The following UBL3 variants were observed in gnomAD, a reference collection of about 807,000 sequenced individuals.
The protein encoded by UBL3 is ubiquitin-like protein 3.
A neutral mutation model predicts 18.4 loss-of-function variants in UBL3; 6 were observed. That is an observed-to-expected ratio of 0.33 (90% CI 0.18 to 0.64). UBL3 has a LOEUF of 0.64. Ranked by LOEUF, UBL3 falls within the 30% of genes least tolerant of loss-of-function variation. The probability of loss-of-function intolerance (pLI) is 0.76; values close to 1 mark genes in which losing one functional copy is unlikely to be tolerated. For synonymous variants in UBL3, 49 were observed against 46.6 expected (o/e 1.05, Z -0.21); for missense variants, 109 against 142.9 (o/e 0.76, Z 1.21).
chr13:29,803,432 C>A (rs1278435914), intron 1 of UBL3, among the ~76,000 whole-genome samples: 1 of 152,096 alleles, frequency 6.6e-6, no homozygotes, highest in African/African-American at 2.4e-5. Context: ...CCACACATAT[C>A]AATATTAACC....
chr13:29,826,958 G>A (rs550784764), intron 1 of UBL3, among the ~76,000 whole-genome samples: 56 of 152,224 alleles, frequency 3.7e-4, no homozygotes, highest in Non-Finnish European at 6.6e-4. Flanking sequence ...TAGTCATTCC[G>A]GAGCTTGCTG....
At chr13:29,826,823 G>A (rs1878632921) in intron 1 of UBL3, among the ~76,000 whole-genome samples, 1 of 152,164 alleles carries the variant, frequency 6.6e-6, no homozygotes, top group Non-Finnish European at 1.5e-5. Flanking sequence ...TGGGCATTTA[G>A]TGCTATATAT....
intron 1 of UBL3, among the ~76,000 whole-genome samples, chr13:29,803,798 A>G (rs928984080): frequency 1.3e-5 from 2 of 152,088 alleles, no homozygotes; most frequent in African/African-American, 4.8e-5. Flanking sequence ...ACAAGTTCTT[A>G]AAGACCTACA....
At chr13:29,837,311 A>G (rs995909468) in intron 1 of UBL3, among the ~76,000 whole-genome samples, 1 of 152,246 alleles carries the variant, frequency 6.6e-6, no homozygotes, top group African/African-American at 2.4e-5. Context: ...TAATATACTC[A>G]AGAAAACAGA....
chr13:29,802,643 A>G (rs1020145414), intron 1 of UBL3, among the ~76,000 whole-genome samples: 1 of 152,204 alleles, frequency 6.6e-6, no homozygotes, highest in African/African-American at 2.4e-5. Flanking sequence ...AAACACACTA[A>G]AAGAATTTCA....
At chr13:29,831,904 T>C (rs566079688) in intron 1 of UBL3, among the ~76,000 whole-genome samples, 11 of 152,276 alleles carry the variant, frequency 7.2e-5, no homozygotes, top group South Asian at 4.1e-4. Flanking sequence ...CCAATAATAG[T>C]AGCCACTAGA....
rs1230037869 is a variant in UBL3 at position 29,835,099 on chromosome 13, T to A, written c.27+14413A>T. ...AAATATATAAATATAAATATATATA[T>A]ATATATAAATATATATATATATATA... is the stretch of plus-strand genomic sequence containing the variant. On this transcript the variant is annotated intron_variant, in intron 1 of 4. Coordinates refer to ENST00000380680, the MANE Select transcript of UBL3 (RefSeq NM_007106.4). 1.2e-3 allele frequency among the ~76,000 whole-genome samples: 18 copies of A among 15,124 alleles called. No individual in the cohort carries two copies. In the East Asian group the frequency reaches 0.047, roughly 39 times the overall value. The allele number at this position is 15,124 out of a possible 152,430, so 9.9% of individuals were successfully genotyped here. A position where few individuals can be genotyped will look rare whatever the true frequency, so the allele number is the denominator to read the frequency against.
At chr13:29,772,859 T>A (rs1288389720) in intron 2 of UBL3, among the ~76,000 whole-genome samples, 1 of 151,850 alleles carries the variant, frequency 6.6e-6, no homozygotes, top group African/African-American at 2.4e-5. Flanking sequence ...ACAAAGAAAA[T>A]AAGACAAACT....
chr13:29,766,104 G>A lies in UBL3; in HGVS notation c.*1151C>T, dbSNP rs1379493243. 6.6e-6 allele frequency: 1 copy of A among 152,422 alleles called. No homozygotes were observed. Among genetic ancestry groups the A allele is most frequent in the Admixed American group, 6.6e-5 (1 of 15,248 alleles). The allele number at this position is 152,422 out of a possible 1,614,324, so 9.4% of individuals were successfully genotyped here. On this transcript the variant is annotated 3_prime_UTR_variant, in exon 5 of 5. Transcript: ENST00000380680. The stretch of plus-strand genomic sequence containing the variant: ...TATAAAAATCTTTCATATTTTTACA[G>A]GTTTAGATGAAAGTAGCTCATGCTT...
chr13:29,824,779 C>T (rs1878572538), intron 1 of UBL3, among the ~76,000 whole-genome samples: 1 of 152,144 alleles, frequency 6.6e-6, no homozygotes, highest in South Asian at 2.1e-4. Flanking sequence ...GAAGTCCTTG[C>T]CCATGCCTAT....
chr13:29,849,277 C>T (rs1428375537), intron 1 of UBL3, among the ~76,000 whole-genome samples: 2 of 152,184 alleles, frequency 1.3e-5, no homozygotes, highest in Non-Finnish European at 2.9e-5. Flanking sequence ...TGATACATTT[C>T]CCTACTTCTC....
At chr13:29,828,143 G>C (rs1161488600) in intron 1 of UBL3, among the ~76,000 whole-genome samples, 1 of 152,120 alleles carries the variant, frequency 6.6e-6, no homozygotes, top group Non-Finnish European at 1.5e-5. Flanking sequence ...TGGTGAATCT[G>C]ATAATTATGT....
chr13:29,830,416 C>T (rs1878743130), intron 1 of UBL3, among the ~76,000 whole-genome samples: 1 of 152,114 alleles, frequency 6.6e-6, no homozygotes, highest in African/African-American at 2.4e-5. Context: ...GTTCGAAGTC[C>T]CAAAGGAGTA....
chr13:29,809,640 A>G (rs189063317), intron 1 of UBL3, among the ~76,000 whole-genome samples: 30 of 152,130 alleles, frequency 2.0e-4, no homozygotes, highest in African/African-American at 3.9e-4. Flanking sequence ...AGACTTTGCA[A>G]GAGTTTAGTT....
rs561506022 is a variant in UBL3, at chr13:29,812,778, C to T, written c.28-35515G>A. Among the ~76,000 whole-genome samples, 4 of 151,870 alleles carry T rather than the reference C, an allele frequency of 2.6e-5. No homozygotes were observed. In the East Asian group the frequency reaches 7.7e-4, roughly 29 times the overall value. On this transcript the variant is annotated intron_variant, in intron 1 of 4. Transcript: ENST00000380680. Reference sequence around the variant, plus strand: ...TCTGACATCTGAATTCAGATGTGCTCTAAGTATAATGCACCTTAGATTCTG... The same window carrying T: ...TCTGACATCTGAATTCAGATGTGCTTTAAGTATAATGCACCTTAGATTCTG...
In UBL3 at chr13:29,796,608, T is replaced by C. The variant is rs138744939; in HGVS notation, c.28-19345A>G. Among the ~76,000 whole-genome samples, 572 of 152,280 alleles carry C rather than the reference T, an allele frequency of 3.8e-3. 1 individual carries two copies. The highest frequency in any genetic ancestry group is 7.7e-3 in the African/African-American group (322 of 41,554). ...GCAAAATCATTACTCAATTACATAT[T>C]TTAAATTGGAAGTGACACTGCCCAA... On this transcript the variant is annotated intron_variant, in intron 1 of 4. Transcript: ENST00000380680.
chr13:29,822,729 C>A (rs188063463), intron 1 of UBL3, among the ~76,000 whole-genome samples: 134 of 152,188 alleles, frequency 8.8e-4, no homozygotes, highest in African/African-American at 3.1e-3. Context: ...AAAGGAAATA[C>A]GGTACAGCTA....
intron 1 of UBL3, among the ~76,000 whole-genome samples, chr13:29,796,771 T>C (rs572474617): frequency 1.3e-5 from 2 of 152,372 alleles, no homozygotes; most frequent in South Asian, 2.1e-4. Flanking sequence ...TAAAATGATT[T>C]CATCTTGGAT....
chr13:29,797,581 T>C (rs561981134), intron 1 of UBL3, among the ~76,000 whole-genome samples: 2 of 151,752 alleles, frequency 1.3e-5, no homozygotes, highest in African/African-American at 4.8e-5. Flanking sequence ...TAATTTGACA[T>C]TACATACATT....
Sources: gnomAD v4.1 joint callset for allele counts (sites outside exome capture counted in the v4.1 genomes callset) on GRCh38, gnomAD v4.1.1 for gene constraint, MANE v1.5 for transcripts, NCBI Gene and HGNC (gene_info 2026-07-23, HGNC 2026-07-21) for gene names.